Variants in DAPK2 observed in about 807,000 individuals in gnomAD.
DAPK2 encodes the protein death-associated protein kinase 2.
DAPK2 carries 35 observed loss-of-function variants against 44.1 expected under a neutral mutation model. The ratio of observed to expected loss-of-function variants is 0.79; its 90% CI spans 0.61 to 1.05. The LOEUF (loss-of-function observed/expected upper bound fraction) is 1.05, where lower values mean the gene tolerates loss of function less well. Ranked by LOEUF, DAPK2 falls within the 50% of genes least tolerant of loss-of-function variation. The pLI, the probability that DAPK2 is intolerant of heterozygous loss-of-function variation, is 0.00. For synonymous variants in DAPK2, 174 were observed against 182.6 expected, an observed-to-expected ratio of 0.95 and a Z score of 0.38; for missense variants, 453 against 483.2, an observed-to-expected ratio of 0.94 and a Z score of 0.59.
intron 1 of DAPK2, among the ~76,000 whole-genome samples, chr15:64,005,392 A>G (rs574118007): frequency 6.7e-6 from 1 of 149,918 alleles, no homozygotes; most frequent in South Asian, 2.1e-4. Context: ...TAGATACAAG[A>G]GCAGAAACTT....
chr15:63,971,643 C>T, intron 2 of DAPK2, 82 bp from the exon 4 acceptor site: 3 of 1,491,664 alleles, frequency 2.0e-6, no homozygotes, highest in Non-Finnish European at 2.7e-6. Flanking sequence ...AGGGGCAAGC[C>T]CTCATCCTGA....
chr15:63,982,231 C>T (rs2078536685), intron 2 of DAPK2, among the ~76,000 whole-genome samples: 2 of 141,794 alleles, frequency 1.4e-5, no homozygotes, highest in South Asian at 4.4e-4. Context: ...CTTGCTGTCA[C>T]CCAGGCTGGA....
intron 1 of DAPK2, among the ~76,000 whole-genome samples, chr15:63,999,326 T>G (rs1297737929): frequency 6.6e-6 from 1 of 152,160 alleles, no homozygotes; most frequent in African/African-American, 2.4e-5. Flanking sequence ...ACGTGGGGAC[T>G]GGGAGGACAG....
At chr15:63,938,350 G>T (rs1307628634) in intron 4 of DAPK2, among the ~76,000 whole-genome samples, 1 of 152,210 alleles carries the variant, frequency 6.6e-6, no homozygotes, top group Non-Finnish European at 1.5e-5. Flanking sequence ...GACAATGTTT[G>T]TAGAGCATGA....
At chr15:63,971,617 A>AT (rs2078215316) in intron 2 of DAPK2, 56 bp from the exon 4 acceptor site, 3 of 1,591,466 alleles carry the variant, frequency 1.9e-6, no homozygotes, top group Admixed American at 1.7e-5. Flanking sequence ...TCTGCATGTC[A>AT]TGAGGCTGGG....
intron 1 of DAPK2, among the ~76,000 whole-genome samples, chr15:63,989,115 G>A (rs1191190333): frequency 1.3e-5 from 2 of 151,166 alleles, no homozygotes; most frequent in Non-Finnish European, 2.9e-5. Context: ...AGGAGGCAGA[G>A]GTACCAGTGA....
intron 1 of DAPK2, among the ~76,000 whole-genome samples, chr15:64,017,036 G>A (rs1267214811): frequency 1.3e-5 from 2 of 152,126 alleles, no homozygotes; most frequent in Non-Finnish European, 2.9e-5. Flanking sequence ...TGTTCTCATT[G>A]CTGTTGTGGA....
chr15:63,908,649 GCCAGGAATGGGGCTGTGCTGGGCAA>G lies in DAPK2; in HGVS notation c.1033-74_1033-50del. ...GTCCAGGGCAGGAGGATCATGAGAC[GCCAGGAATGGGGCTGTGCTGGGCAA>G]CCTGGGTTGATTCACCTGGACCACG... On this transcript the variant is annotated intron_variant, in intron 10 of 10. Coordinates refer to ENST00000261891, the Ensembl canonical transcript of DAPK2. This position sits in a 1 kb window ranked among gnomAD's most constrained non-coding sequence, Gnocchi z 5.7. 1.3e-6 allele frequency: 2 copies of G among 1,495,652 alleles called. No homozygotes were observed. Among genetic ancestry groups the G allele is most frequent in the South Asian group, 2.5e-5 (2 of 79,596 alleles). The allele number at this position is 1,495,652 out of a possible 1,614,324, so 92.6% of individuals were successfully genotyped here.
At chr15:63,953,132 CT>C (rs1209537401) in intron 3 of DAPK2, among the ~76,000 whole-genome samples, 2 of 151,992 alleles carry the variant, frequency 1.3e-5, no homozygotes, top group Non-Finnish European at 2.9e-5. Flanking sequence ...CCTCACCCCC[CT>C]CCCACCCTTC....
chr15:64,031,561 C>T (rs1251430555), intron 1 of DAPK2, among the ~76,000 whole-genome samples: 1 of 152,186 alleles, frequency 6.6e-6, no homozygotes, highest in Admixed American at 6.5e-5. Context: ...ATATGTCAAT[C>T]GTTTTCACTT....
chr15:64,044,286 C>T (rs1013730806), upstream of DAPK2, among the ~76,000 whole-genome samples: 5 of 152,296 alleles, frequency 3.3e-5, no homozygotes, highest in Non-Finnish European at 7.4e-5. Context: ...CTGCCTACAA[C>T]TCTAATACCA....
At chr15:63,969,982 C>T (rs1451054918) in intron 3 of DAPK2, among the ~76,000 whole-genome samples, 1 of 152,200 alleles carries the variant, frequency 6.6e-6, no homozygotes, top group Non-Finnish European at 1.5e-5. Flanking sequence ...TCATCTCTAC[C>T]TCTAATTAGG....
At chr15:64,016,158 C>G (rs539370786) in intron 1 of DAPK2, among the ~76,000 whole-genome samples, 1 of 152,332 alleles carries the variant, frequency 6.6e-6, no homozygotes, top group East Asian at 1.9e-4. Context: ...TCCTCTCTCT[C>G]AGGTACTGCC....
chr15:63,977,334 C>A (rs934745830), intron 2 of DAPK2, among the ~76,000 whole-genome samples: 2 of 152,096 alleles, frequency 1.3e-5, no homozygotes, highest in African/African-American at 4.8e-5. Context: ...CCACCTTGGG[C>A]AGGTGCTGGA....
At chr15:64,040,142 TC>T in intron 1 of DAPK2, 27 bp downstream of exon 2, 2 of 1,581,634 alleles carry the variant, frequency 1.3e-6, no homozygotes, top group Non-Finnish European at 8.7e-7. Context: ...TCCCTCGGCA[TC>T]CCCCCACCTC....
chr15:63,934,234 T>C (rs1353411234), intron 4 of DAPK2, among the ~76,000 whole-genome samples: 1 of 151,060 alleles, frequency 6.6e-6, no homozygotes, highest in East Asian at 1.9e-4. Flanking sequence ...TTCTTCATGT[T>C]CTAGTTTTAT....
intron 1 of DAPK2, among the ~76,000 whole-genome samples, chr15:63,987,095 CAGA>C (rs2078687408): frequency 6.6e-6 from 1 of 152,134 alleles, no homozygotes. Flanking sequence ...CAAATCAAGG[CAGA>C]AGATTACTCT....
chr15:63,980,798 A>ACG lies in DAPK2; in HGVS notation c.314+2733_314+2734dup, dbSNP rs575137338. Among the ~76,000 whole-genome samples, 114,002 of 151,998 alleles carry ACG rather than the reference A, an allele frequency of 0.75. 45,023 individuals are homozygous for ACG. Among genetic ancestry groups the ACG allele is most frequent in the East Asian group, 0.97 (5,013 of 5,164 alleles). The stretch of plus-strand genomic sequence containing the variant: ...CGTATTAGGCAGTGGGACCTTTAAG[A>ACG]CGTGATTGGGTCGGGGTGCGGTGGC... On this transcript the variant is annotated intron_variant, in intron 2 of 10. Coordinates refer to ENST00000261891, the Ensembl canonical transcript of DAPK2. This position sits in a 1 kb window ranked among gnomAD's most constrained non-coding sequence, Gnocchi z 4.3.
chr15:63,947,645 T>C (rs1488796403), intron 3 of DAPK2, among the ~76,000 whole-genome samples: 2 of 152,186 alleles, frequency 1.3e-5, no homozygotes, highest in Non-Finnish European at 2.9e-5. Context: ...ATAAAACCTA[T>C]CTCAAGAGGG....
Sources: allele counts gnomAD v4.1 joint callset (sites outside exome capture counted in the v4.1 genomes callset), GRCh38; gene constraint gnomAD v4.1.1; non-coding constraint Gnocchi (gnomAD v3.1); transcripts MANE v1.5; gene names NCBI Gene and HGNC (gene_info 2026-07-23, HGNC 2026-07-21).